Variants in ATAD2B observed in about 807,000 individuals in gnomAD.
The protein encoded by ATAD2B is ATPase family AAA domain containing 2B.
ATAD2B carries 40 observed loss-of-function variants against 167.6 expected under a neutral mutation model. That is an observed-to-expected ratio of 0.24 (90% CI 0.19 to 0.31). The LOEUF (loss-of-function observed/expected upper bound fraction) is 0.31. Among genes scored for constraint, ATAD2B ranks in the 10% least tolerant of loss-of-function variants. ATAD2B has a pLI of 1.00. For synonymous variants in ATAD2B, 579 were observed against 596.5 expected (o/e 0.97, Z 0.43); for missense variants, 1,242 against 1,757.2 (o/e 0.71, Z 5.24).
chr2:23,861,098 A>G (rs1238135446), intron 12 of ATAD2B, among the ~76,000 whole-genome samples: 2 of 151,346 alleles, frequency 1.3e-5, no homozygotes, highest in African/African-American at 4.9e-5. Context: ...GGGAGTGTTG[A>G]TCACTATTTT....
At chr2:23,834,950 G>A (rs77453373) in intron 13 of ATAD2B, among the ~76,000 whole-genome samples, 46 of 152,148 alleles carry the variant, frequency 3.0e-4, no homozygotes, top group African/African-American at 1.1e-3. Flanking sequence ...CTCCAAAGAC[G>A]ATACACAAAA....
intron 18 of ATAD2B, among the ~76,000 whole-genome samples, chr2:23,809,658 T>A (rs574927336): frequency 6.6e-6 from 1 of 152,264 alleles, no homozygotes; most frequent in Admixed American, 6.5e-5. Context: ...CCACTTACTA[T>A]CAGCTAGACA....
chr2:23,705,310 G>T, the ATAD2B span, among the ~76,000 whole-genome samples: 2 of 152,174 alleles, frequency 1.3e-5, no homozygotes, highest in African/African-American at 4.8e-5. Context: ...GACCAACATG[G>T]TGAAACCCCG....
chr2:23,841,098 ATTTTTT>A (rs572061183), intron 13 of ATAD2B, among the ~76,000 whole-genome samples: 8 of 117,180 alleles, frequency 6.8e-5, no homozygotes, highest in Non-Finnish European at 1.4e-4. Context: ...ATGCATGGCT[ATTTTTT>A]TTTTTTTTTT....
In ATAD2B at chr2:23,902,940, T is replaced by C. The variant is rs549854201; in HGVS notation, c.217-6970A>G. On this transcript the variant is annotated intron_variant, in intron 1 of 27. Coordinates refer to ENST00000238789, the MANE Select transcript of ATAD2B (RefSeq NM_017552.4). ...ATAAATAACCTATTTGATGTAGACT[T>C]TAAAGGATGTTTTTGGCCGGGCATG... Among the ~76,000 whole-genome samples the C allele has an allele frequency of 4.6e-5, 7 of 152,150 alleles. No homozygotes were observed. In the South Asian group the frequency reaches 1.0e-3, roughly 23 times the overall value.
the ATAD2B span, among the ~76,000 whole-genome samples, chr2:23,683,041 G>T: frequency 0.019 from 2,855 of 152,350 alleles, 33 homozygotes; most frequent in Middle Eastern, 0.037. Context: ...TGGCAATCAG[G>T]GAGCAGAAGC....
At chr2:23,732,796 A>G in the ATAD2B span, among the ~76,000 whole-genome samples, 1 of 152,002 alleles carries the variant, frequency 6.6e-6, no homozygotes, top group Admixed American at 6.6e-5. Flanking sequence ...CATTAATATC[A>G]CTCCTCTTTC....
intron 2 of ATAD2B, among the ~76,000 whole-genome samples, chr2:23,890,436 G>A (rs1246705159): frequency 6.6e-6 from 1 of 152,080 alleles, no homozygotes; most frequent in African/African-American, 2.4e-5. Context: ...AGGTATATGA[G>A]TGTGACTATA....
chr2:23,713,786 A>G, the ATAD2B span, among the ~76,000 whole-genome samples: 1 of 152,228 alleles, frequency 6.6e-6, no homozygotes, highest in East Asian at 1.9e-4. Context: ...TTATACAGAT[A>G]CACACAATGG....
chr2:23,798,896 T>C (rs1426787258), intron 18 of ATAD2B, among the ~76,000 whole-genome samples: 3 of 152,200 alleles, frequency 2.0e-5, no homozygotes, highest in African/African-American at 7.2e-5. Context: ...AGTCACAAAA[T>C]ACTCTAACTT....
At chr2:23,850,659 G>T (rs1270583545) in intron 13 of ATAD2B, among the ~76,000 whole-genome samples, 1 of 152,122 alleles carries the variant, frequency 6.6e-6, no homozygotes, top group East Asian at 1.9e-4. Context: ...GGAGGGCTCT[G>T]CAGGGCAGAA....
At chr2:23,683,665 TG>T in the ATAD2B span, among the ~76,000 whole-genome samples, 1 of 152,176 alleles carries the variant, frequency 6.6e-6, no homozygotes. Context: ...GGCCACTTCC[TG>T]GGATCTGCCG....
At chr2:23,884,424 AAAGT>A (rs1407320455) in intron 6 of ATAD2B, among the ~76,000 whole-genome samples, 2 of 152,208 alleles carry the variant, frequency 1.3e-5, no homozygotes, top group Non-Finnish European at 1.5e-5. Context: ...CACGGATAGC[AAAGT>A]AACTATCCAG....
At chr2:23,754,096 G>A (rs1294471495) in intron 27 of ATAD2B, 83 bp downstream of exon 27, 55 of 1,173,108 alleles carry the variant, frequency 4.7e-5, no homozygotes, top group Non-Finnish European at 8.0e-6. Flanking sequence ...CATAGATGTA[G>A]GCAAAATAAC....
At chr2:23,837,205 C>T (rs1377265019) in intron 13 of ATAD2B, among the ~76,000 whole-genome samples, 1 of 152,230 alleles carries the variant, frequency 6.6e-6, no homozygotes, top group East Asian at 1.9e-4. Flanking sequence ...CAAGAGTGCG[C>T]ACAACCAGCC....
At chr2:23,911,943 C>T (rs1446911064) in intron 1 of ATAD2B, among the ~76,000 whole-genome samples, 1 of 149,030 alleles carries the variant, frequency 6.7e-6, no homozygotes, top group Admixed American at 6.7e-5. Flanking sequence ...CCATTGCATA[C>T]TCCAGCCTGG....
the ATAD2B span, among the ~76,000 whole-genome samples, chr2:23,724,184 G>A: frequency 6.6e-6 from 1 of 152,154 alleles, no homozygotes; most frequent in Non-Finnish European, 1.5e-5. Flanking sequence ...AGCTAGATAG[G>A]AGGAATAGGT....
downstream of ATAD2B, among the ~76,000 whole-genome samples, chr2:23,743,847 G>A (rs1674647825): frequency 6.6e-6 from 1 of 151,952 alleles, no homozygotes; most frequent in East Asian, 1.9e-4. Context: ...GGCTGGTCTT[G>A]AACTCCTGGG....
chr2:23,852,273 GAA>G lies in ATAD2B; in HGVS notation c.1568+5140_1568+5141del, dbSNP rs1251067476. Reference sequence around the variant, plus strand: ...TACACAAACACTTTCAGAAAATAGAGAAAGAGGGAATGCCATCTCATCTTTTT... The same window carrying G: ...TACACAAACACTTTCAGAAAATAGAGAGAGGGAATGCCATCTCATCTTTTT... On this transcript the variant is annotated intron_variant, in intron 13 of 27. Transcript: ENST00000238789. Among the ~76,000 whole-genome samples, 3 of 151,912 alleles carry G rather than the reference GAA, an allele frequency of 2.0e-5. No individual in the cohort carries two copies. In the East Asian group the frequency reaches 5.8e-4, roughly 29 times the overall value.
Sources: gnomAD v4.1 joint callset for allele counts (sites outside exome capture counted in the v4.1 genomes callset) on GRCh38, gnomAD v4.1.1 for gene constraint, MANE v1.5 for transcripts, NCBI Gene and HGNC (gene_info 2026-07-23, HGNC 2026-07-21) for gene names.